LRRC7: variants seen among roughly 807,000 people sequenced by gnomAD.
LRRC7 encodes the protein leucine-rich repeat-containing protein 7.
A neutral mutation model predicts 175.7 loss-of-function variants in LRRC7; 23 were observed. The ratio of observed to expected loss-of-function variants is 0.13; its 90% CI spans 0.09 to 0.19. LRRC7 has a LOEUF of 0.19. LRRC7 is among the 10% of genes least tolerant of loss of function. The pLI, the probability that LRRC7 is intolerant of heterozygous loss-of-function variation, is 1.00. For synonymous variants in LRRC7, 685 were observed against 680.9 expected (o/e 1.01, Z -0.09); for missense variants, 1,354 against 1,904.7 (o/e 0.71, Z 5.38).
intron 22 of LRRC7, among the ~76,000 whole-genome samples, chr1:70,046,576 AT>A (rs566925902): frequency 4.8e-4 from 73 of 152,314 alleles, no homozygotes; most frequent in African/African-American, 1.7e-3. Flanking sequence ...CAAGTAATGC[AT>A]TACTCCAAAA....
intron 4 of LRRC7, among the ~76,000 whole-genome samples, chr1:69,821,982 A>G (rs1393648758): frequency 6.6e-6 from 1 of 152,052 alleles, no homozygotes; most frequent in Non-Finnish European, 1.5e-5. Flanking sequence ...TTGTCTTTGC[A>G]TTTGAAGAAG....
rs138672653 is a variant in LRRC7 at position 69,856,141 on chromosome 1, G to A, written c.647+17858G>A. 3.1e-3 allele frequency among the ~76,000 whole-genome samples: 477 copies of A among 152,182 alleles called. 3 individuals carry two copies. The highest frequency in any genetic ancestry group is 0.01 in the African/African-American group (416 of 41,534). ...CCCATTTACATTTAAGGTTAATACC[G>A]TTATGTGTGAATTTGATCCTGTCAT... is the stretch of plus-strand genomic sequence containing the variant. On this transcript the variant is annotated intron_variant, in intron 7 of 26. Coordinates refer to ENST00000651989, the MANE Select transcript of LRRC7 (RefSeq NM_001370785.2).
At chr1:69,594,152 T>C (rs1337600851) in intron 1 of LRRC7, among the ~76,000 whole-genome samples, 1 of 152,170 alleles carries the variant, frequency 6.6e-6, no homozygotes, top group African/African-American at 2.4e-5. Context: ...TCAATGAAGT[T>C]GACATACTAC....
chr1:69,994,858 A>T (rs1483816754), intron 11 of LRRC7, among the ~76,000 whole-genome samples: 1 of 152,028 alleles, frequency 6.6e-6, no homozygotes, highest in African/African-American at 2.4e-5. Context: ...AGAAATGTTT[A>T]CCCATGAATC....
At chr1:69,829,513 A>G (rs1680297298) in intron 5 of LRRC7, among the ~76,000 whole-genome samples, 1 of 151,850 alleles carries the variant, frequency 6.6e-6, no homozygotes, top group South Asian at 2.1e-4. Context: ...AAAATTAATT[A>G]ATGTTAACTA....
chr1:70,029,647 A>T (rs1304508990), intron 18 of LRRC7, among the ~76,000 whole-genome samples: 1 of 152,192 alleles, frequency 6.6e-6, no homozygotes, highest in Non-Finnish European at 1.5e-5. Context: ...AAGGGGAAGG[A>T]AACCAACATT....
rs553740018 is a variant in LRRC7 at position 70,140,467 on chromosome 1, C to T, written c.*18580C>T. 1.2e-3 allele frequency: 182 copies of T among 152,248 alleles called. No individual in the cohort carries two copies. The highest frequency in any genetic ancestry group is 4.2e-3 in the African/African-American group (175 of 41,546). 9.4% of individuals were successfully genotyped at this position (152,248 alleles called of 1,614,324 possible). A position where few individuals can be genotyped will look rare whatever the true frequency, so the allele number is the denominator to read the frequency against. ...AAATTGCCATGTAGAAATCAACTCC[C>T]TATCAATTTTCTACATTTAATCCTT... is the stretch of plus-strand genomic sequence containing the variant. On this transcript the variant is annotated 3_prime_UTR_variant, in exon 27 of 27. Coordinates refer to ENST00000651989, the MANE Select transcript of LRRC7 (RefSeq NM_001370785.2).
In LRRC7 at chr1:69,659,681, CAGAG is replaced by C. The variant is rs528960205; in HGVS notation, c.3-18697_3-18694del. Among the ~76,000 whole-genome samples, 806 of 151,936 alleles carry C rather than the reference CAGAG, an allele frequency of 5.3e-3. 2 individuals are homozygous for C. Among genetic ancestry groups the C allele is most frequent in the Middle Eastern group, 0.01 (3 of 294 alleles). On this transcript the variant is annotated intron_variant, in intron 1 of 26. Transcript: ENST00000651989. ...AATATGGACATTTTCAGAAGAACAA[CAGAG>C]AGGGTTTAAAAAATGTCTTGACACA... is the stretch of plus-strand genomic sequence containing the variant.
At chr1:69,760,506 C>A in intron 3 of LRRC7, 113 bp downstream of exon 3, 2 of 851,338 alleles carry the variant, frequency 2.3e-6, no homozygotes, top group African/African-American at 1.7e-5. Flanking sequence ...ACTGACAAGT[C>A]ATTGAAATTG....
At chr1:70,012,126 A>G (rs897630753) in intron 12 of LRRC7, among the ~76,000 whole-genome samples, 200 bp downstream of exon 12, 15 of 151,970 alleles carry the variant, frequency 9.9e-5, no homozygotes, top group African/African-American at 3.4e-4. Context: ...TTTGACTTAA[A>G]TCTCGCATGC....
intron 2 of LRRC7, among the ~76,000 whole-genome samples, chr1:69,719,196 A>G (rs1329017202): frequency 2.0e-5 from 3 of 151,742 alleles, no homozygotes; most frequent in Admixed American, 2.0e-4. Context: ...ATTCCATCTA[A>G]TAATCGCAAA....
intron 3 of LRRC7, among the ~76,000 whole-genome samples, chr1:69,789,984 A>G (rs1176686070): frequency 1.3e-5 from 2 of 152,044 alleles, no homozygotes; most frequent in African/African-American, 4.8e-5. Flanking sequence ...TATAAGACAC[A>G]TCCATATTGT....
At chr1:70,060,183 G>A (rs897675501) in intron 23 of LRRC7, among the ~76,000 whole-genome samples, 1 of 151,966 alleles carries the variant, frequency 6.6e-6, no homozygotes, top group Non-Finnish European at 1.5e-5. Flanking sequence ...AATTAGCCAG[G>A]TGTGGTGGTG....
chr1:69,907,231 T>C (rs1557873740), intron 7 of LRRC7, among the ~76,000 whole-genome samples: 1 of 152,196 alleles, frequency 6.6e-6, no homozygotes, highest in Non-Finnish European at 1.5e-5. Context: ...CTTCCTCTTT[T>C]CCTAATCGAA....
chr1:69,962,880 C>G (rs1306539823), intron 8 of LRRC7, among the ~76,000 whole-genome samples: 1 of 151,986 alleles, frequency 6.6e-6, no homozygotes, highest in Non-Finnish European at 1.5e-5. Flanking sequence ...GGATGCTAAG[C>G]TTAATACTTA....
At chr1:69,667,352 T>C (rs781660468) in intron 1 of LRRC7, among the ~76,000 whole-genome samples, 2 of 152,158 alleles carry the variant, frequency 1.3e-5, no homozygotes, top group Non-Finnish European at 2.9e-5. Flanking sequence ...AGTCTGATGT[T>C]TCCTTGTTGA....
At chr1:69,858,781 T>C (rs1684015628) in intron 7 of LRRC7, among the ~76,000 whole-genome samples, 1 of 152,286 alleles carries the variant, frequency 6.6e-6, no homozygotes, top group South Asian at 2.1e-4. Context: ...CTTGTGCTCA[T>C]TTTGCATTTC....
chr1:70,018,236 C>T (rs1657134633), intron 14 of LRRC7, among the ~76,000 whole-genome samples: 1 of 152,150 alleles, frequency 6.6e-6, no homozygotes, highest in South Asian at 2.1e-4. Flanking sequence ...AGTTGCTTAT[C>T]TATAAAGTGG....
chr1:69,605,392 G>C (rs1358290427), intron 1 of LRRC7, among the ~76,000 whole-genome samples: 2 of 152,132 alleles, frequency 1.3e-5, no homozygotes, highest in South Asian at 4.1e-4. Context: ...AGCAGCATGA[G>C]AGCAGACTAA....
Sources: allele counts gnomAD v4.1 joint callset (sites outside exome capture counted in the v4.1 genomes callset), GRCh38; gene constraint gnomAD v4.1.1; transcripts MANE v1.5; gene names NCBI Gene and HGNC (gene_info 2026-07-23, HGNC 2026-07-21).